GPATCH8: variants seen among roughly 807,000 people sequenced by gnomAD.
The protein encoded by GPATCH8 is G patch domain-containing protein 8.
In GPATCH8, 18 loss-of-function variants were observed where a neutral mutation model predicts 118.3. The ratio of observed to expected loss-of-function variants is 0.15; its 90% confidence interval spans 0.11 to 0.23. The LOEUF is 0.23. Among genes scored for constraint, GPATCH8 ranks in the 10% least tolerant of loss-of-function variants. The pLI is 1.00. For synonymous variants in GPATCH8, 659 were observed against 684.7 expected (o/e 0.96, Z 0.59); for missense variants, 1,631 against 1,873.8 (o/e 0.87, Z 2.39).
intron 1 of GPATCH8, among the ~76,000 whole-genome samples, chr17:44,495,135 A>T (rs1225627212): frequency 1.3e-5 from 2 of 152,128 alleles, no homozygotes; most frequent in Non-Finnish European, 2.9e-5. Flanking sequence ...GGAGTTCAAG[A>T]CCAGCCTGAC....
At chr17:44,452,236 G>C (rs2144187842) in intron 3 of GPATCH8, among the ~76,000 whole-genome samples, 1 of 131,730 alleles carries the variant, frequency 7.6e-6, no homozygotes, top group Admixed American at 9.1e-5. Context: ...CTGCACCACT[G>C]CACTCCAGCC....
At chr17:44,476,501 A>G (rs1253976975) in intron 1 of GPATCH8, among the ~76,000 whole-genome samples, 1 of 152,190 alleles carries the variant, frequency 6.6e-6, no homozygotes, top group African/African-American at 2.4e-5. Flanking sequence ...CACCGCACCC[A>G]GCCTGTTTTA....
intron 3 of GPATCH8, among the ~76,000 whole-genome samples, chr17:44,457,613 G>A (rs1254238029): frequency 6.6e-6 from 1 of 152,148 alleles, no homozygotes. Flanking sequence ...ATGTGCTTAA[G>A]AATTTTATAT....
intron 3 of GPATCH8, among the ~76,000 whole-genome samples, chr17:44,450,665 T>C (rs894921483): frequency 2.0e-5 from 3 of 152,222 alleles, no homozygotes; most frequent in Non-Finnish European, 2.9e-5. Context: ...TGGTGGTAAA[T>C]TTTAAATGAA....
chr17:44,469,947 C>T (rs887353290), intron 2 of GPATCH8, among the ~76,000 whole-genome samples: 1 of 152,080 alleles, frequency 6.6e-6, no homozygotes, highest in African/African-American at 2.4e-5. Flanking sequence ...ATCACAAAAC[C>T]CAATTATACA....
At position 44,396,682 on chromosome 17, in the gene GPATCH8, A is replaced by G. The variant is rs1416320291; in HGVS notation, c.*886T>C. 1 of 444,710 alleles carries G rather than the reference A, an allele frequency of 2.2e-6. No homozygotes were observed. The highest frequency in any genetic ancestry group is 4.5e-6 in the Non-Finnish European group (1 of 224,512). 27.5% of individuals were successfully genotyped at this position (444,710 alleles called of 1,614,324 possible). On this transcript the variant is annotated 3_prime_UTR_variant, in exon 8 of 8. Transcript: ENST00000591680. ...TCACTTAAAGAGCTGGATGTAAAAA[A>G]TATTATTGCAGTATACTACAAATAT...
intron 6 of GPATCH8, among the ~76,000 whole-genome samples, chr17:44,407,589 T>C (rs188354880): frequency 1.3e-5 from 2 of 152,230 alleles, no homozygotes; most frequent in East Asian, 3.9e-4. Context: ...CCTGTTTCCA[T>C]TAGCCCTTAT....
intron 3 of GPATCH8, among the ~76,000 whole-genome samples, chr17:44,458,076 G>A (rs1247522058): frequency 1.3e-4 from 19 of 147,550 alleles, no homozygotes; most frequent in African/African-American, 3.2e-4. Context: ...GCGATGGAGC[G>A]AGACTCCATT....
chr17:44,434,626 T>C (rs547195043), intron 5 of GPATCH8, among the ~76,000 whole-genome samples: 36 of 152,014 alleles, frequency 2.4e-4, no homozygotes, highest in African/African-American at 8.0e-4. Context: ...GATCACAAGG[T>C]CAGGAGTTCG....
At chr17:44,448,537 GGAAGAA>G (rs142810863) in intron 3 of GPATCH8, among the ~76,000 whole-genome samples, 56,492 of 109,872 alleles carry the variant, frequency 0.51, 16,515 homozygotes, top group Non-Finnish European at 0.62. Context: ...AGAAGAAGAA[GGAAGAA>G]GAAGAGGAAG....
intron 1 of GPATCH8, among the ~76,000 whole-genome samples, chr17:44,482,953 G>A (rs1968395320): frequency 6.7e-6 from 1 of 148,674 alleles, no homozygotes; most frequent in South Asian, 2.1e-4. Flanking sequence ...TCAGGAGATC[G>A]AGACCATCCT....
Position 44,397,718 on chromosome 17 carries a change from G to C in GPATCH8, c.4359C>G (p.Thr1453=). 6.2e-7 allele frequency: 1 copy of C among 1,607,316 alleles called. No individual in the cohort carries two copies. The highest frequency in any genetic ancestry group is 8.5e-7 in the Non-Finnish European group (1 of 1,175,708). The stretch of plus-strand genomic sequence containing the variant: ...GGGCAGCATGTGGGACAGGGTGAAA[G>C]GTGAAGGGCCCAGGATGGATGGCTG... The part of the protein sequence containing the change: ...PASAIHPGPF[T]FHPVPHAALY... The change falls in exon 8 of 8, where the codon ACC becomes ACG. Residue 1453 remains threonine (T), a synonymous_variant. Transcript: ENST00000591680.
chr17:44,469,375 T>C (rs1219348105), intron 2 of GPATCH8, among the ~76,000 whole-genome samples: 1 of 152,184 alleles, frequency 6.6e-6, no homozygotes, highest in Non-Finnish European at 1.5e-5. Flanking sequence ...ATGATCATTT[T>C]GGTAACAGCA....
chr17:44,440,601 A>G (rs1460437831), intron 3 of GPATCH8, among the ~76,000 whole-genome samples: 1 of 152,160 alleles, frequency 6.6e-6, no homozygotes, highest in Non-Finnish European at 1.5e-5. Context: ...AGTTTTACTT[A>G]TGCAATAATA....
chr17:44,397,679 T>C lies in GPATCH8; in HGVS notation c.4398A>G (p.Leu1466=), dbSNP rs145900030. 1.1e-5 allele frequency: 17 copies of C among 1,611,746 alleles called. 1 individual carries two copies. In the Admixed American group the frequency reaches 1.2e-4, roughly 11 times the overall value. ...CTGCTGCAGCAGGCCGTGGAGCAAGTAGGGTGGGGTAGAGGGCAGCATGTG... is the reference window on the plus strand; with the variant it reads ...CTGCTGCAGCAGGCCGTGGAGCAAGCAGGGTGGGGTAGAGGGCAGCATGTG... ...PVPHAALYPT[L]LAPRPAAAAA... The change falls in exon 8 of 8, where the codon CTA becomes CTG. Residue 1466 remains leucine, a synonymous_variant. Coordinates refer to ENST00000591680, the MANE Select transcript of GPATCH8 (RefSeq NM_001002909.4).
intron 1 of GPATCH8, 134 bp downstream of exon 1, chr17:44,503,192 A>C (rs1970225062): frequency 1.3e-6 from 1 of 793,836 alleles, no homozygotes; most frequent in Non-Finnish European, 2.2e-6. Flanking sequence ...TTGAGAAAGC[A>C]GAGACGGGAG....
At position 44,397,229 on chromosome 17, in the gene GPATCH8, GAGCAGAGGAAAAA is replaced by G. The variant is rs2143560251; in HGVS notation, c.*326_*338del. The stretch of plus-strand genomic sequence containing the variant: ...ATGTTTTAAAATTTACAGAAGGGAA[GAGCAGAGGAAAAA>G]AGCAGAGGGAGGAGGGGATTATCTA... On this transcript the variant is annotated 3_prime_UTR_variant, in exon 8 of 8. Transcript: ENST00000591680. 1 of 498,534 alleles carries G rather than the reference GAGCAGAGGAAAAA, an allele frequency of 2.0e-6. No individual in the cohort carries two copies. The highest frequency in any genetic ancestry group is 3.9e-6 in the Non-Finnish European group (1 of 256,236). The allele number at this position is 498,534 out of a possible 1,614,324, so 30.9% of individuals were successfully genotyped here.
intron 3 of GPATCH8, chr17:44,436,869 T>A: frequency 3.2e-6 from 1 of 313,062 alleles, no homozygotes; most frequent in Non-Finnish European, 6.1e-6. Context: ...CCTTTTAAGA[T>A]CCCCAAATAA....
intron 5 of GPATCH8, among the ~76,000 whole-genome samples, chr17:44,425,380 T>C (rs1248587327): frequency 2.6e-5 from 4 of 152,214 alleles, no homozygotes; most frequent in African/African-American, 7.2e-5. Flanking sequence ...ACTTAATCAG[T>C]AAACAAGAAA....
Sources: gnomAD v4.1 joint callset for allele counts (sites outside exome capture counted in the v4.1 genomes callset) on GRCh38, gnomAD v4.1.1 for gene constraint, MANE v1.5 for transcripts, NCBI Gene and HGNC (gene_info 2026-07-23, HGNC 2026-07-21) for gene names.